Variants in ITGA1 observed in about 807,000 individuals in gnomAD.
ITGA1 encodes integrin alpha-1.
A neutral mutation model predicts 145.9 loss-of-function variants in ITGA1; 85 were observed. That is an observed-to-expected ratio of 0.58 (90% CI 0.49 to 0.70). The LOEUF is 0.70. ITGA1 is among the 30% of genes least tolerant of loss of function. The pLI is 0.00. For missense variants in ITGA1, 1,351 were observed against 1,418.7 expected, an observed-to-expected ratio of 0.95 and a Z score of 0.77; for synonymous variants, 520 against 495.3, an observed-to-expected ratio of 1.05 and a Z score of -0.66.
chr5:52,847,727 A>G (rs960428065), intron 1 of ITGA1, among the ~76,000 whole-genome samples: 7 of 152,172 alleles, frequency 4.6e-5, no homozygotes, highest in African/African-American at 1.7e-4. Context: ...TAATATTTGT[A>G]TATTTTTAGT....
intron 6 of ITGA1, among the ~76,000 whole-genome samples, chr5:52,872,990 A>T (rs1240991022): frequency 6.6e-6 from 1 of 152,198 alleles, no homozygotes; most frequent in African/African-American, 2.4e-5. Context: ...AGACTGAATT[A>T]CATGACGACA....
At chr5:52,817,784 CTT>C (rs1302008037) in intron 1 of ITGA1, among the ~76,000 whole-genome samples, 1 of 152,186 alleles carries the variant, frequency 6.6e-6, no homozygotes, top group African/African-American at 2.4e-5. Flanking sequence ...AAATATGTAT[CTT>C]TGCATATGCA....
rs758099770 is a variant in ITGA1 at position 52,887,937 on chromosome 5, A to T, written c.896A>T (p.Asp299Val). The change falls in exon 8 of 29, where the codon GAT becomes GTT. Residue 299 changes from aspartate to valine, a missense_variant. Physicochemically the swap from Asp to Val is radical, Grantham distance 152 (BLOSUM62 -3). Transcript: ENST00000282588. ...AAGAAGGTCATCCAAGACTGTGAAG[A>T]TGAAAACATTCAACGGTTTTCCATA... is the stretch of plus-strand genomic sequence containing the variant. Reference protein sequence around the residue: ...RLKKVIQDCEDENIQRFSIAI... With the variant: ...RLKKVIQDCEVENIQRFSIAI... The T allele has an allele frequency of 6.2e-7, 1 of 1,613,704 alleles. No homozygotes were observed. Among genetic ancestry groups the T allele is most frequent in the Non-Finnish European group, 8.5e-7 (1 of 1,179,710 alleles).
chr5:52,917,982 G>A (rs372200599), intron 15 of ITGA1, among the ~76,000 whole-genome samples: 1 of 152,264 alleles, frequency 6.6e-6, no homozygotes, highest in East Asian at 1.9e-4. Flanking sequence ...AGGTAAAAAT[G>A]TGCAGTAATT....
chr5:52,915,098 A>G (rs949925986), intron 14 of ITGA1, among the ~76,000 whole-genome samples: 1 of 152,092 alleles, frequency 6.6e-6, no homozygotes, highest in Non-Finnish European at 1.5e-5. Context: ...TGCTGATATG[A>G]TATGTTTTCA....
Position 52,927,921 on chromosome 5 carries a change from G to T in ITGA1, c.2694+257G>T, listed in dbSNP as rs182646503. On this transcript the variant is annotated intron_variant, in intron 20 of 28. Transcript: ENST00000282588. ...GAGGTCAGTAGGTCCAGAGGGTGGA[G>T]CCCCCATGAGGGATTAGTGTCCTCA... 7.9e-3 allele frequency among the ~76,000 whole-genome samples: 1,202 copies of T among 152,212 alleles called. 11 individuals are homozygous for T. The highest frequency in any genetic ancestry group is 0.021 in the South Asian group (102 of 4,812).
At chr5:52,797,558 T>C (rs1389934710) in intron 1 of ITGA1, among the ~76,000 whole-genome samples, 2 of 151,856 alleles carry the variant, frequency 1.3e-5, no homozygotes, top group Admixed American at 1.3e-4. Flanking sequence ...ATCCTCTAGG[T>C]TGGTTCCCAA....
intron 1 of ITGA1, among the ~76,000 whole-genome samples, chr5:52,820,211 A>C (rs975224507): frequency 1.3e-5 from 2 of 151,954 alleles, no homozygotes; most frequent in Non-Finnish European, 2.9e-5. Flanking sequence ...TGATGAGTTC[A>C]TGTCCTTTGT....
At chr5:52,943,977 G>A (rs1177053169) in intron 26 of ITGA1, among the ~76,000 whole-genome samples, 1 of 152,180 alleles carries the variant, frequency 6.6e-6, no homozygotes, top group Non-Finnish European at 1.5e-5. Context: ...ACTGCGCTGT[G>A]CACATGCTCC....
At chr5:52,911,079 A>G (rs138162097) in intron 14 of ITGA1, among the ~76,000 whole-genome samples, 1 of 133,520 alleles carries the variant, frequency 7.5e-6, no homozygotes, top group African/African-American at 2.7e-5. Flanking sequence ...GTGTATATAT[A>G]GTATATATAG....
intron 1 of ITGA1, chr5:52,800,764 C>T (rs1396743847): frequency 1.2e-6 from 2 of 1,614,152 alleles, no homozygotes; most frequent in Non-Finnish European, 1.7e-6. Flanking sequence ...GGTACTGGAG[C>T]GCATCGAGCA....
rs537120543 is a variant in ITGA1 at position 52,915,174 on chromosome 5, C to T, written c.1858-290C>T. 3.3e-5 allele frequency among the ~76,000 whole-genome samples: 5 copies of T among 152,166 alleles called. No individual in the cohort carries two copies. The South Asian group carries it at 1.0e-3, about 32-fold the overall frequency. On this transcript the variant is annotated intron_variant, in intron 14 of 28. Coordinates refer to ENST00000282588, the MANE Select transcript of ITGA1 (RefSeq NM_181501.2). Reference sequence around the variant, plus strand: ...GGCTAGGAAGCAGAAAGCACAGAACCAATTACTCATACTGTTTCCTTTGAG... The same window carrying T: ...GGCTAGGAAGCAGAAAGCACAGAACTAATTACTCATACTGTTTCCTTTGAG...
At chr5:52,951,353 A>C (rs1751216153) in intron 28 of ITGA1, among the ~76,000 whole-genome samples, 1 of 152,152 alleles carries the variant, frequency 6.6e-6, no homozygotes, top group Non-Finnish European at 1.5e-5. Context: ...TTTAAAAATA[A>C]GCATTTTAGG....
rs773385312 is a variant in ITGA1 at position 52,908,994 on chromosome 5, A to G, written c.1552A>G (p.Thr518Ala). Residue 518 changes from threonine (T) to alanine (A), a missense_variant, in exon 13 of 29, where the codon ACA becomes GCA. By Grantham distance (58) the Thr-to-Ala change is moderately conservative. Transcript: ENST00000282588. ...LLVGAPMYMG[T>A]EKEEQGKVYV... ...AGTCGGAGCCCCTATGTACATGGGA[A>G]CAGAGAAGGAGGAGCAAGGAAAAGT... The G allele has an allele frequency of 1.2e-6, 2 of 1,613,960 alleles. No homozygotes were observed. The highest frequency in any genetic ancestry group is 1.7e-6 in the Non-Finnish European group (2 of 1,179,890).
At chr5:52,937,312 TTCA>T in intron 23 of ITGA1, 86 bp from the exon 24 acceptor site, 1 of 822,204 alleles carries the variant, frequency 1.2e-6, no homozygotes. Flanking sequence ...CACAATTTAC[TTCA>T]TCAGCTAGAA....
intron 14 of ITGA1, among the ~76,000 whole-genome samples, chr5:52,911,401 G>C (rs1241637134): frequency 3.8e-5 from 5 of 131,618 alleles, no homozygotes; most frequent in Non-Finnish European, 7.8e-5. Context: ...TGTATATATA[G>C]TATATAGTGT....
intron 1 of ITGA1, among the ~76,000 whole-genome samples, chr5:52,846,345 G>A (rs1749337610): frequency 6.6e-6 from 1 of 152,160 alleles, no homozygotes; most frequent in African/African-American, 2.4e-5. Context: ...AGAGGTTGCA[G>A]TGAACAGAGA....
intron 1 of ITGA1, among the ~76,000 whole-genome samples, chr5:52,804,961 T>C (rs1417187717): frequency 6.6e-6 from 1 of 152,024 alleles, no homozygotes; most frequent in Non-Finnish European, 1.5e-5. Context: ...AAGAGTAATA[T>C]ATTTAATTTT....
intron 1 of ITGA1, among the ~76,000 whole-genome samples, chr5:52,843,439 A>G (rs945298813): frequency 2.6e-5 from 4 of 152,174 alleles, no homozygotes; most frequent in Non-Finnish European, 4.4e-5. Flanking sequence ...GAATATTCCT[A>G]TCTGGATATT....
Sources: gnomAD v4.1 joint callset for allele counts (sites outside exome capture counted in the v4.1 genomes callset) on GRCh38, gnomAD v4.1.1 for gene constraint, MANE v1.5 for transcripts, NCBI Gene and HGNC (gene_info 2026-07-23, HGNC 2026-07-21) for gene names.